The following FOXP2 variants were observed in gnomAD, a reference collection of about 807,000 sequenced individuals.
The protein encoded by FOXP2 is forkhead box P2.
In FOXP2, 12 loss-of-function variants were observed where a neutral mutation model predicts 115.8. The observed-to-expected ratio is 0.10, with a 90% CI of 0.07 to 0.17. FOXP2 has a LOEUF of 0.17. Ranked by LOEUF, FOXP2 falls within the 10% of genes least tolerant of loss-of-function variation. The pLI is 1.00. For missense variants in FOXP2, 629 were observed against 843.5 expected, an observed-to-expected ratio of 0.75 and a Z score of 3.15; for synonymous variants, 328 against 297.7, an observed-to-expected ratio of 1.10 and a Z score of -1.05.
chr7:114,631,421 C>CA (rs1804914484), intron 5 of FOXP2, 107 bp from the exon 6 acceptor site: 2 of 1,534,272 alleles, frequency 1.3e-6, no homozygotes, highest in African/African-American at 1.4e-5. Context: ...ATGGGATGAC[C>CA]AAAAAACCCA....
chr7:114,313,421 T>G (rs964862686), intron 2 of FOXP2, among the ~76,000 whole-genome samples: 3 of 152,234 alleles, frequency 2.0e-5, no homozygotes, highest in Non-Finnish European at 4.4e-5. Flanking sequence ...ATTTCCATTT[T>G]ACTAAATTGT....
In FOXP2 at chr7:114,521,166, A is replaced by T. The variant is rs147270002; in HGVS notation, c.169-13451A>T. Among the ~76,000 whole-genome samples the T allele has an allele frequency of 5.7e-3, 868 of 152,288 alleles. 6 individuals are homozygous for T. Among genetic ancestry groups the T allele is most frequent in the African/African-American group, 0.019 (805 of 41,560 alleles). On this transcript the variant is annotated intron_variant, in intron 2 of 16. Coordinates refer to ENST00000350908, the MANE Select transcript of FOXP2 (RefSeq NM_014491.4). ...ATTTTACATAGAGTACTAAAGATAG[A>T]TGTACATGGATATTAGTAAATATTT...
At position 114,631,642 on chromosome 7, in the gene FOXP2, C is replaced by A. The variant is rs761174159; in HGVS notation, c.712C>A (p.Arg238Ser). Residue 238 changes from arginine (R) to serine (S), a missense_variant, in exon 6 of 17, where the codon CGT (arginine) becomes AGT (serine). Arg to Ser is a moderately radical substitution (Grantham distance 110). Coordinates refer to ENST00000350908, the MANE Select transcript of FOXP2 (RefSeq NM_014491.4). ...QQQQHLLSLQ[R>S]QGLISIPPGQ... ...GCAGCAGCATCTGCTCAGCCTTCAG[C>A]GTCAGGGACTCATCTCCATTCCACC... is the stretch of plus-strand genomic sequence containing the variant. The A allele has an allele frequency of 6.2e-7, 1 of 1,614,102 alleles. No individual in the cohort carries two copies.
In FOXP2 at chr7:114,528,807, C is replaced by G. The variant is rs1384207311; in HGVS notation, c.169-5810C>G. 2.0e-5 allele frequency among the ~76,000 whole-genome samples: 3 copies of G among 148,840 alleles called. No individual in the cohort carries two copies. The East Asian group carries it at 5.9e-4, about 29-fold the overall frequency. ...AAACCCTGCTAAGGTATGTGTAAAA[C>G]AAAAAGTAAATCTAAAATCTATTTG... On this transcript the variant is annotated intron_variant, in intron 2 of 16. Transcript: ENST00000350908.
At chr7:114,565,098 C>A (rs1800942103) in intron 3 of FOXP2, among the ~76,000 whole-genome samples, 1 of 148,886 alleles carries the variant, frequency 6.7e-6, no homozygotes, top group African/African-American at 2.5e-5. Flanking sequence ...TGTATGCAAC[C>A]AATTTTTTTT....
intron 2 of FOXP2, among the ~76,000 whole-genome samples, chr7:114,453,963 G>T (rs1320249217): frequency 6.6e-6 from 1 of 152,026 alleles, no homozygotes; most frequent in Non-Finnish European, 1.5e-5. Flanking sequence ...CATGGGCAAG[G>T]ACTTCATGTC....
chr7:114,668,573 A>T (rs1205098552), intron 16 of FOXP2: 1 of 152,108 alleles, frequency 6.6e-6, no homozygotes, highest in Non-Finnish European at 1.5e-5. Flanking sequence ...TATCAGGACC[A>T]TGCACTCTGC....
intron 1 of FOXP2, among the ~76,000 whole-genome samples, chr7:114,253,015 G>T (rs899979236): frequency 6.6e-6 from 1 of 152,150 alleles, no homozygotes; most frequent in African/African-American, 2.4e-5. Flanking sequence ...TGGTTTCCAA[G>T]AACATCATTA....
In FOXP2 at chr7:114,347,399, C is replaced by T. The variant is rs368002927; in HGVS notation, c.-11+59290C>T. ...AGAGGAAAAGAGTAAGACACATTCT[C>T]ACTCATTTTTGCATTTTATACTGTC... On this transcript the variant is annotated intron_variant, in intron 2 of 17. Coordinates refer to the FOXP2 transcript ENST00000634411. Among the ~76,000 whole-genome samples, 49 of 152,088 alleles carry T rather than the reference C, an allele frequency of 3.2e-4. No homozygotes were observed. In the South Asian group the frequency reaches 9.3e-3, roughly 29 times the overall value.
intron 3 of FOXP2, among the ~76,000 whole-genome samples, chr7:114,592,390 A>G (rs935666718): frequency 3.3e-5 from 5 of 152,066 alleles, no homozygotes; most frequent in African/African-American, 1.2e-4. Context: ...TGCTTACCAT[A>G]ACAAGAGTTC....
intron 3 of FOXP2, among the ~76,000 whole-genome samples, chr7:114,593,229 G>C (rs1029559800): frequency 8.0e-5 from 12 of 149,852 alleles, no homozygotes; most frequent in Non-Finnish European, 1.5e-5. Flanking sequence ...AGAAAGTATA[G>C]ATAAGCAAAA....
intron 2 of FOXP2, among the ~76,000 whole-genome samples, chr7:114,325,155 A>T (rs1797525326): frequency 1.3e-5 from 2 of 151,908 alleles, no homozygotes; most frequent in Non-Finnish European, 3.0e-5. Flanking sequence ...TAGTCTATAA[A>T]GATTTCCAAC....
intron 3 of FOXP2, among the ~76,000 whole-genome samples, chr7:114,562,571 A>G (rs539821256): frequency 6.6e-6 from 1 of 152,084 alleles, no homozygotes. Context: ...TCCAAGGCCA[A>G]TTTCTCTTCC....
intron 1 of FOXP2, among the ~76,000 whole-genome samples, chr7:114,208,835 C>T (rs1267635488): frequency 6.6e-6 from 1 of 152,108 alleles, no homozygotes; most frequent in African/African-American, 2.4e-5. Flanking sequence ...TTGCCTCCTG[C>T]CATGATTGTG....
At chr7:114,161,521 C>T (rs918758251), upstream of FOXP2, among the ~76,000 whole-genome samples, 10 of 127,084 alleles carry the variant, frequency 7.9e-5, no homozygotes, top group Admixed American at 8.9e-4. Flanking sequence ...TTTGTTTTAA[C>T]TATTTTCTCA....
chr7:114,461,925 A>G (rs1294450099), intron 2 of FOXP2, among the ~76,000 whole-genome samples: 1 of 152,102 alleles, frequency 6.6e-6, no homozygotes, highest in Non-Finnish European at 1.5e-5. Flanking sequence ...TCAAAAAAAA[A>G]ATGTATGAGC....
At chr7:114,680,153 T>C (rs1039666786) in intron 16 of FOXP2, among the ~76,000 whole-genome samples, 29 of 152,316 alleles carry the variant, frequency 1.9e-4, no homozygotes, top group African/African-American at 7.0e-4. Context: ...GTTCCAAATA[T>C]GTTTCTAAAT....
At chr7:114,188,335 C>T (rs1793666417) in intron 1 of FOXP2, among the ~76,000 whole-genome samples, 1 of 152,156 alleles carries the variant, frequency 6.6e-6, no homozygotes, top group Non-Finnish European at 1.5e-5. Flanking sequence ...GTTCATTCTG[C>T]CTGGCATCAC....
At chr7:114,589,836 T>C (rs764691437) in intron 3 of FOXP2, among the ~76,000 whole-genome samples, 11 of 152,204 alleles carry the variant, frequency 7.2e-5, no homozygotes, top group Non-Finnish European at 1.3e-4. Context: ...CATACTCTTT[T>C]GTTTGTCAAC....
Sources: allele counts gnomAD v4.1 joint callset (sites outside exome capture counted in the v4.1 genomes callset), GRCh38; gene constraint gnomAD v4.1.1; transcripts MANE v1.5; gene names NCBI Gene and HGNC (gene_info 2026-07-23, HGNC 2026-07-21).